ATP1A1: variants seen among roughly 807,000 people sequenced by gnomAD.
ATP1A1 encodes the protein ATPase Na+/K+ transporting subunit alpha 1.
In ATP1A1, 14 loss-of-function variants were observed where a neutral mutation model predicts 114.8. That is an observed-to-expected ratio of 0.12 (90% CI 0.08 to 0.19). ATP1A1 has a LOEUF of 0.19. ATP1A1 is among the 10% of genes least tolerant of loss of function. ATP1A1 has a pLI of 1.00. For synonymous variants in ATP1A1, 471 were observed against 466.3 expected (o/e 1.01, Z -0.13); for missense variants, 524 against 1,290.7 (o/e 0.41, Z 9.10).
In ATP1A1 at chr1:116,399,312, C is replaced by T; in HGVS notation, c.2449-108C>T. 1 of 1,459,140 alleles carries T rather than the reference C, an allele frequency of 6.9e-7. No individual in the cohort carries two copies. The highest frequency in any genetic ancestry group is 9.3e-7 in the Non-Finnish European group (1 of 1,076,752). 90.4% of individuals were successfully genotyped at this position (1,459,140 alleles called of 1,614,324 possible). A position where few individuals can be genotyped will look rare whatever the true frequency, so the allele number is the denominator to read the frequency against. On this transcript the variant is annotated intron_variant, in intron 17 of 22. Transcript: ENST00000295598. This position sits in a 1 kb window ranked among gnomAD's most constrained non-coding sequence, Gnocchi z 5.0. ...TGGGAATCTTTATTTTTGTATACTTCACCTAAAAGATTTTTAAATGGGAGG... is the reference window on the plus strand; with the variant it reads ...TGGGAATCTTTATTTTTGTATACTTTACCTAAAAGATTTTTAAATGGGAGG...
Position 116,388,048 on chromosome 1 carries a change from T to C in ATP1A1, c.388-83T>C, listed in dbSNP as rs1224806782. On this transcript the variant is annotated intron_variant, in intron 4 of 22. Coordinates refer to ENST00000295598, the MANE Select transcript of ATP1A1 (RefSeq NM_000701.8). The surrounding 1 kb of genome is among the most constrained non-coding windows in gnomAD (Gnocchi z 5.6). ...TCTTGGTTTCTCTATTAAAAATCTG[T>C]TTTTTATTCAGTCAAAAAATTAATT... 9 of 902,528 alleles carry C rather than the reference T, an allele frequency of 1.0e-5. No homozygotes were observed. The highest frequency in any genetic ancestry group is 1.4e-5 in the Non-Finnish European group (8 of 572,042). The allele number at this position is 902,528 out of a possible 1,614,324, so 55.9% of individuals were successfully genotyped here.
intron 13 of ATP1A1, among the ~76,000 whole-genome samples, chr1:116,396,103 C>A (rs977760839): frequency 3.3e-5 from 5 of 152,078 alleles, no homozygotes; most frequent in Admixed American, 6.6e-5. Flanking sequence ...GTTATTTCCT[C>A]ACCATTCCGA....
In ATP1A1 at chr1:116,393,244, G is replaced by T. The variant is rs1652617151; in HGVS notation, c.1467+256G>T. ...GTGTGGGCATGTGGGGAGGTGGCTG[G>T]AGGTATGTGTACACAAGTGTTCCCC... On this transcript the variant is annotated intron_variant, in intron 11 of 22. Coordinates refer to ENST00000295598, the MANE Select transcript of ATP1A1 (RefSeq NM_000701.8). This position sits in a 1 kb window ranked among gnomAD's most constrained non-coding sequence, Gnocchi z 5.0. 6.6e-6 allele frequency among the ~76,000 whole-genome samples: 1 copy of T among 152,102 alleles called. No homozygotes were observed. The highest frequency in any genetic ancestry group is 2.1e-4 in the South Asian group (1 of 4,824).
At chr1:116,396,167 A>G (rs1166529809) in intron 13 of ATP1A1, among the ~76,000 whole-genome samples, 2 of 151,980 alleles carry the variant, frequency 1.3e-5, no homozygotes, top group Non-Finnish European at 2.9e-5. Flanking sequence ...AAAAATAACA[A>G]TTTTGAATTC....
Position 116,401,601 on chromosome 1 carries a change from C to G in ATP1A1, c.2897C>G (p.Ala966Gly). Residue 966 changes from alanine (A) to glycine (G), a missense_variant, in exon 21 of 23, where the codon GCT becomes GGT. Physicochemically the swap from Ala to Gly is moderately conservative, Grantham distance 60. Coordinates refer to ENST00000295598, the MANE Select transcript of ATP1A1 (RefSeq NM_000701.8). This position sits in a 1 kb window ranked among gnomAD's most constrained non-coding sequence, Gnocchi z 4.7. ...CTCTTTGAAGAGACAGCCCTGGCTG[C>G]TTTCCTTTCCTACTGCCCTGGAATG... is the stretch of plus-strand genomic sequence containing the variant. ...FGLFEETALA[A>G]FLSYCPGMGV... The G allele has an allele frequency of 1.9e-6, 3 of 1,614,224 alleles. No individual in the cohort carries two copies. The highest frequency in any genetic ancestry group is 2.5e-6 in the Non-Finnish European group (3 of 1,180,040).
Position 116,395,016 on chromosome 1 carries a change from T to C in ATP1A1, c.1661-94T>C. On this transcript the variant is annotated intron_variant, in intron 12 of 22. Coordinates refer to ENST00000295598, the MANE Select transcript of ATP1A1 (RefSeq NM_000701.8). This position sits in a 1 kb window ranked among gnomAD's most constrained non-coding sequence, Gnocchi z 6.4. ...TTTAAAAATTTTCCAAAGTAAACAC[T>C]CCAGAGAAAGGTAGGCGGGCTGAAT... 3 of 1,343,458 alleles carry C rather than the reference T, an allele frequency of 2.2e-6. No individual in the cohort carries two copies. Among genetic ancestry groups the C allele is most frequent in the Non-Finnish European group, 3.1e-6 (3 of 983,106 alleles). The allele number at this position is 1,343,458 out of a possible 1,614,324, so 83.2% of individuals were successfully genotyped here.
chr1:116,393,026 G>A lies in ATP1A1; in HGVS notation c.1467+38G>A. 6.2e-7 allele frequency: 1 copy of A among 1,609,354 alleles called. No individual in the cohort carries two copies. Among genetic ancestry groups the A allele is most frequent in the Non-Finnish European group, 8.5e-7 (1 of 1,177,320 alleles). On this transcript the variant is annotated intron_variant, in intron 11 of 22. Transcript: ENST00000295598. The surrounding 1 kb of genome is among the most constrained non-coding windows in gnomAD (Gnocchi z 5.0). ...ATGGGTACACGGAGGGCGAGGGCAAGCTGGGGGACAAAGAGGGGAGGTACA... is the reference window on the plus strand; with the variant it reads ...ATGGGTACACGGAGGGCGAGGGCAAACTGGGGGACAAAGAGGGGAGGTACA...
chr1:116,385,347 A>G lies in ATP1A1; in HGVS notation c.183+505A>G, dbSNP rs934270798. ...AAAATTAAAGAAACCTTTTCATAAA[A>G]TAGGCGTTATGTATCCTTGTTATGT... On this transcript the variant is annotated intron_variant, in intron 3 of 22. Coordinates refer to ENST00000295598, the MANE Select transcript of ATP1A1 (RefSeq NM_000701.8). The surrounding 1 kb of genome is among the most constrained non-coding windows in gnomAD (Gnocchi z 4.3). 5 of 159,894 alleles carry G rather than the reference A, an allele frequency of 3.1e-5. No individual in the cohort carries two copies. Among genetic ancestry groups the G allele is most frequent in the African/African-American group, 9.6e-5 (4 of 41,512 alleles). 9.9% of individuals were successfully genotyped at this position (159,894 alleles called of 1,614,324 possible). A position where few individuals can be genotyped will look rare whatever the true frequency, so the allele number is the denominator to read the frequency against.
rs751627488 is a variant in ATP1A1 at position 116,388,627 on chromosome 1, C to T, written c.502-11C>T. On this transcript the variant is annotated splice_polypyrimidine_tract_variant and intron_variant, in intron 5 of 22. Transcript: ENST00000295598. This position sits in a 1 kb window ranked among gnomAD's most constrained non-coding sequence, Gnocchi z 5.6. ...GGTATACTAACGGTGTAAATTGTTTCTTTTCCAAAGCAAGCCCTTGTGATT... is the reference window on the plus strand; with the variant it reads ...GGTATACTAACGGTGTAAATTGTTTTTTTTCCAAAGCAAGCCCTTGTGATT... The T allele has an allele frequency of 1.2e-6, 2 of 1,613,338 alleles. No individual in the cohort carries two copies. Among genetic ancestry groups the T allele is most frequent in the Non-Finnish European group, 1.7e-6 (2 of 1,179,668 alleles).
Position 116,404,749 on chromosome 1 carries a change from A to C in ATP1A1, c.*305A>C. 2 of 1,166,270 alleles carry C rather than the reference A, an allele frequency of 1.7e-6. No individual in the cohort carries two copies. The highest frequency in any genetic ancestry group is 2.1e-6 in the Non-Finnish European group (2 of 947,984). The allele number at this position is 1,166,270 out of a possible 1,614,324, so 72.2% of individuals were successfully genotyped here. Reference sequence around the variant, plus strand: ...ATACATTTTATATCTGGATTTTTACAAATAAAGATGGCTATTATAATGGAA... The same window carrying C: ...ATACATTTTATATCTGGATTTTTACCAATAAAGATGGCTATTATAATGGAA... On this transcript the variant is annotated 3_prime_UTR_variant, in exon 23 of 23. Transcript: ENST00000295598. The surrounding 1 kb of genome is among the most constrained non-coding windows in gnomAD (Gnocchi z 4.8).
At chr1:116,374,159 C>G (rs958241530) in intron 1 of ATP1A1, 2 of 1,549,250 alleles carry the variant, frequency 1.3e-6, no homozygotes, top group Non-Finnish European at 8.7e-7. Context: ...AAAGAAAAAA[C>G]TGGCTGCTTC....
chr1:116,393,041 G>A lies in ATP1A1; in HGVS notation c.1467+53G>A. The A allele has an allele frequency of 3.7e-6, 6 of 1,603,260 alleles. No homozygotes were observed. Among genetic ancestry groups the A allele is most frequent in the Non-Finnish European group, 5.1e-6 (6 of 1,174,078 alleles). Reference sequence around the variant, plus strand: ...GCGAGGGCAAGCTGGGGGACAAAGAGGGGAGGTACATGAGCAGGAAGAGGA... The same window carrying A: ...GCGAGGGCAAGCTGGGGGACAAAGAAGGGAGGTACATGAGCAGGAAGAGGA... On this transcript the variant is annotated intron_variant, in intron 11 of 22. Transcript: ENST00000295598. The surrounding 1 kb of genome is among the most constrained non-coding windows in gnomAD (Gnocchi z 5.0).
intron 1 of ATP1A1, among the ~76,000 whole-genome samples, chr1:116,380,150 A>C (rs1275445053): frequency 6.6e-6 from 1 of 152,222 alleles, no homozygotes; most frequent in East Asian, 1.9e-4. Flanking sequence ...TAATAGTTAT[A>C]CCAAGTGTTA....
intron 8 of ATP1A1, 116 bp from the exon 9 acceptor site, chr1:116,390,097 A>G: frequency 9.4e-7 from 1 of 1,069,156 alleles, no homozygotes. Flanking sequence ...AAACTTCAGA[A>G]GAAGGTTGGA....
intron 9 of ATP1A1, 94 bp downstream of exon 9, chr1:116,390,505 TAAGCTCATGGCAGCTTTTTCTTTC>T: frequency 5.6e-6 from 7 of 1,249,768 alleles, no homozygotes; most frequent in African/African-American, 1.6e-5. Context: ...TTTTTTTTTT[TAAGCTCATGGCAGCTTTTTCTTTC>T]TTTTTTGTTT....
chr1:116,404,382 T>C lies in ATP1A1; in HGVS notation c.3044-34T>C. 2 of 1,612,012 alleles carry C rather than the reference T, an allele frequency of 1.2e-6. No individual in the cohort carries two copies. The highest frequency in any genetic ancestry group is 1.7e-6 in the Non-Finnish European group (2 of 1,178,196). On this transcript the variant is annotated intron_variant, in intron 22 of 22. Transcript: ENST00000295598. The surrounding 1 kb of genome is among the most constrained non-coding windows in gnomAD (Gnocchi z 4.8). ...ATGCTGGAGCGAGGAAGACTCACTG[T>C]AGTGTGTCTTGTCTGTCTCTTTGCC...
At position 116,373,395 on chromosome 1, in the gene ATP1A1, C is replaced by A. The variant is rs1016646550; in HGVS notation, c.-117C>A. On this transcript the variant is annotated 5_prime_UTR_variant, in exon 1 of 23. Transcript: ENST00000295598. ...TCCCACCCTCCCGCCCCGCGGCAGC[C>A]CTAGCTCCCTCCACTTGGCTCCCCT... The A allele has an allele frequency of 1.9e-6, 2 of 1,051,494 alleles. No homozygotes were observed. The highest frequency in any genetic ancestry group is 2.6e-6 in the Non-Finnish European group (2 of 758,014). 65.1% of individuals were successfully genotyped at this position (1,051,494 alleles called of 1,614,324 possible). A position where few individuals can be genotyped will look rare whatever the true frequency, so the allele number is the denominator to read the frequency against.
At position 116,389,857 on chromosome 1, in the gene ATP1A1, T is replaced by G; in HGVS notation, c.1023+150T>G. On this transcript the variant is annotated intron_variant, in intron 8 of 22. Transcript: ENST00000295598. The surrounding 1 kb of genome is among the most constrained non-coding windows in gnomAD (Gnocchi z 6.9). Reference sequence around the variant, plus strand: ...TGAGAGCCACATCACGTGGTGAATTTTGACAGTGAGAAAACCTCAGCATTT... The same window carrying G: ...TGAGAGCCACATCACGTGGTGAATTGTGACAGTGAGAAAACCTCAGCATTT... 1 of 1,202,604 alleles carries G rather than the reference T, an allele frequency of 8.3e-7. No homozygotes were observed. Among genetic ancestry groups the G allele is most frequent in the Middle Eastern group, 2.7e-4 (1 of 3,702 alleles). 74.5% of individuals were successfully genotyped at this position (1,202,604 alleles called of 1,614,324 possible).
Position 116,388,897 on chromosome 1 carries a change from T to C in ATP1A1, c.637-5T>C, listed in dbSNP as rs375086872. ...TGACATTTTTCTTCTTTTCCTCACA[T>C]ATAGGTGGATAACTCCTCGCTCACT... On this transcript the variant is annotated splice_region_variant and splice_polypyrimidine_tract_variant and intron_variant, in intron 6 of 22. Coordinates refer to ENST00000295598, the MANE Select transcript of ATP1A1 (RefSeq NM_000701.8). The surrounding 1 kb of genome is among the most constrained non-coding windows in gnomAD (Gnocchi z 5.6). 6.2e-7 allele frequency: 1 copy of C among 1,614,030 alleles called. No individual in the cohort carries two copies. Among genetic ancestry groups the C allele is most frequent in the Non-Finnish European group, 8.5e-7 (1 of 1,179,912 alleles).
Sources: gnomAD v4.1 joint callset for allele counts (sites outside exome capture counted in the v4.1 genomes callset) on GRCh38, gnomAD v4.1.1 for gene constraint, Gnocchi (gnomAD v3.1) non-coding constraint, MANE v1.5 for transcripts, NCBI Gene and HGNC (gene_info 2026-07-23, HGNC 2026-07-21) for gene names.